The following CACNA1D variants were observed in gnomAD, a reference collection of about 807,000 sequenced individuals.
CACNA1D encodes the protein calcium voltage-gated channel subunit alpha1 D, also known as voltage-dependent L-type calcium channel subunit alpha-1D.
Under a neutral mutation model 257.1 loss-of-function variants are expected in CACNA1D, and 55 were observed. The observed-to-expected ratio is 0.21, with a 90% confidence interval of 0.17 to 0.27. CACNA1D has a LOEUF of 0.27. Among genes scored for constraint, CACNA1D ranks in the 10% least tolerant of loss-of-function variants. The pLI, the probability that CACNA1D is intolerant of heterozygous loss-of-function variation, is 1.00. For missense variants in CACNA1D, 1,876 were observed against 2,784.0 expected (o/e 0.67, Z 7.34); for synonymous variants, 980 against 1,014.9 (o/e 0.97, Z 0.65).
At chr3:53,803,944 G>C (rs4687586) in intron 44 of CACNA1D, among the ~76,000 whole-genome samples, 116,604 of 152,098 alleles carry the variant, frequency 0.77, 45,384 homozygotes, top group East Asian at 1. Context: ...GCTCTGTGTG[G>C]ACGGCGGCTT....
chr3:53,570,762 A>G (rs1432959453), intron 3 of CACNA1D, among the ~76,000 whole-genome samples: 1 of 152,270 alleles, frequency 6.6e-6, no homozygotes, highest in Non-Finnish European at 1.5e-5. Flanking sequence ...ATCACTCTGC[A>G]GTATGTGGTA....
intron 3 of CACNA1D, among the ~76,000 whole-genome samples, chr3:53,521,274 C>T (rs558657712): frequency 3.3e-5 from 5 of 152,238 alleles, no homozygotes; most frequent in Non-Finnish European, 5.9e-5. Context: ...AAATCCTGGC[C>T]TCAAGCGATT....
intron 3 of CACNA1D, among the ~76,000 whole-genome samples, chr3:53,605,678 C>A (rs1416664318): frequency 6.6e-6 from 1 of 152,176 alleles, no homozygotes; most frequent in Non-Finnish European, 1.5e-5. Flanking sequence ...AGAAGCATAG[C>A]ACAGCACTTC....
At chr3:53,676,777 A>G (rs192028074) in intron 8 of CACNA1D, among the ~76,000 whole-genome samples, 7 of 152,328 alleles carry the variant, frequency 4.6e-5, no homozygotes, top group Non-Finnish European at 8.8e-5. Flanking sequence ...GCTTTGGGAA[A>G]ATCTTTGGTT....
chr3:53,581,446 A>C (rs1384263090), intron 3 of CACNA1D, among the ~76,000 whole-genome samples: 1 of 152,190 alleles, frequency 6.6e-6, no homozygotes, highest in African/African-American at 2.4e-5. Context: ...CATCACACAC[A>C]CACAAAGACA....
chr3:53,498,933 C>T (rs1009071282), intron 2 of CACNA1D, among the ~76,000 whole-genome samples: 1 of 152,172 alleles, frequency 6.6e-6, no homozygotes, highest in Non-Finnish European at 1.5e-5. Context: ...TTGAAGTTCT[C>T]TAGTCTGAGA....
chr3:53,700,642 T>A (rs2094614813), intron 8 of CACNA1D, among the ~76,000 whole-genome samples: 1 of 152,134 alleles, frequency 6.6e-6, no homozygotes, highest in Non-Finnish European at 1.5e-5. Flanking sequence ...AGACAGCAGG[T>A]GTTCTTTGGG....
chr3:53,808,078 C>G (rs6445605), intron 45 of CACNA1D: 112,869 of 160,890 alleles, frequency 0.7, 40,315 homozygotes, highest in African/African-American at 0.85. Context: ...CAGTATGCAG[C>G]GCCAGGGCTT....
At chr3:53,507,397 C>T (rs2090901284) in intron 3 of CACNA1D, among the ~76,000 whole-genome samples, 1 of 151,596 alleles carries the variant, frequency 6.6e-6, no homozygotes, top group Non-Finnish European at 1.5e-5. Context: ...TTGCTGGAGG[C>T]CAGGAGTTCA....
At position 53,768,050 on chromosome 3, in the gene CACNA1D, T is replaced by G. The variant is rs541411577; in HGVS notation, c.3871-1923T>G. On this transcript the variant is annotated intron_variant, in intron 30 of 47. Transcript: ENST00000350061. ...TGGTTTGAAGTTCATAGTCCATAGG[T>G]TGTCAGTTTCAAAGATATCAGTTGA... is the stretch of plus-strand genomic sequence containing the variant. 5.9e-5 allele frequency among the ~76,000 whole-genome samples: 9 copies of G among 152,320 alleles called. No individual in the cohort carries two copies. The South Asian group carries it at 1.9e-3, about 32-fold the overall frequency.
chr3:53,720,667 C>A (rs940645596), intron 11 of CACNA1D, among the ~76,000 whole-genome samples: 1 of 152,126 alleles, frequency 6.6e-6, no homozygotes, highest in Non-Finnish European at 1.5e-5. Flanking sequence ...TCAGTTGTTA[C>A]AAAAATGCAC....
chr3:53,771,255 G>A lies in CACNA1D; in HGVS notation c.4044+703G>A, dbSNP rs3774584. On this transcript the variant is annotated intron_variant, in intron 32 of 47. Coordinates refer to ENST00000350061, the MANE Select transcript of CACNA1D (RefSeq NM_001128840.3). ...AAAGGTGGACCCATGTAGGGAATTTGTGGATATCTACAAGCATTAGAAAGT... is the reference window on the plus strand; with the variant it reads ...AAAGGTGGACCCATGTAGGGAATTTATGGATATCTACAAGCATTAGAAAGT... Among the ~76,000 whole-genome samples the A allele has an allele frequency of 4.8e-4, 73 of 152,344 alleles. No individual in the cohort carries two copies. The East Asian group carries it at 0.013, about 28-fold the overall frequency.
At chr3:53,730,342 C>T (rs2094977736) in intron 15 of CACNA1D, 100 bp from the exon 16 acceptor site, 3 of 795,260 alleles carry the variant, frequency 3.8e-6, no homozygotes, top group Non-Finnish European at 6.7e-6. Flanking sequence ...CGGTCACTTA[C>T]TACCAGCTTC....
At chr3:53,743,908 G>A (rs1002531840) in intron 22 of CACNA1D, among the ~76,000 whole-genome samples, 1 of 152,062 alleles carries the variant, frequency 6.6e-6, no homozygotes, top group Non-Finnish European at 1.5e-5. Context: ...AGCCCTTTGT[G>A]TTATCCTTCT....
chr3:53,588,423 A>C (rs1437616686), intron 3 of CACNA1D, among the ~76,000 whole-genome samples: 1 of 152,138 alleles, frequency 6.6e-6, no homozygotes, highest in East Asian at 1.9e-4. Context: ...ACGGCTGAGG[A>C]TGAGCTCTGC....
intron 8 of CACNA1D, among the ~76,000 whole-genome samples, chr3:53,700,063 T>C (rs1332588263): frequency 6.8e-6 from 1 of 148,028 alleles, no homozygotes; most frequent in Non-Finnish European, 1.5e-5. Context: ...CATTATAAAA[T>C]GTATATAATT....
At chr3:53,738,408 T>A (rs2095080107) in intron 20 of CACNA1D, among the ~76,000 whole-genome samples, 1 of 152,128 alleles carries the variant, frequency 6.6e-6, no homozygotes, top group South Asian at 2.1e-4. Flanking sequence ...AGATTAGGGT[T>A]TTTGTTAGAG....
At chr3:53,795,334 G>A (rs1447418772) in intron 40 of CACNA1D, among the ~76,000 whole-genome samples, 2 of 152,324 alleles carry the variant, frequency 1.3e-5, no homozygotes, top group Non-Finnish European at 2.9e-5. Context: ...CCCCACAGTC[G>A]TGACTATAGG....
intron 3 of CACNA1D, among the ~76,000 whole-genome samples, chr3:53,536,015 C>T (rs1292646555): frequency 6.6e-6 from 1 of 152,136 alleles, no homozygotes; most frequent in African/African-American, 2.4e-5. Flanking sequence ...GATATGACGG[C>T]TGAAGGCCTG....
Sources: allele counts gnomAD v4.1 joint callset (sites outside exome capture counted in the v4.1 genomes callset), GRCh38; gene constraint gnomAD v4.1.1; transcripts MANE v1.5; gene names NCBI Gene and HGNC (gene_info 2026-07-23, HGNC 2026-07-21).